Variants in CTNNA3 observed in about 807,000 individuals in gnomAD.
CTNNA3 encodes the protein catenin alpha 3.
In CTNNA3, 76 loss-of-function variants were observed where a neutral mutation model predicts 95.7. That is an observed-to-expected ratio of 0.79 (90% CI 0.66 to 0.96). The LOEUF is 0.96. CTNNA3 is among the 40% of genes least tolerant of loss of function. The pLI is 0.00. For missense variants in CTNNA3, 1,191 were observed against 1,089.8 expected, an observed-to-expected ratio of 1.09 and a Z score of -1.31; for synonymous variants, 431 against 374.4, an observed-to-expected ratio of 1.15 and a Z score of -1.74.
chr10:67,622,682 T>C (rs914173042), intron 2 of CTNNA3, among the ~76,000 whole-genome samples: 3 of 152,214 alleles, frequency 2.0e-5, no homozygotes, highest in Non-Finnish European at 4.4e-5. Flanking sequence ...CTTATTTTAA[T>C]GTAATGAGTG....
At chr10:67,207,760 G>T (rs75852572) in intron 6 of CTNNA3, among the ~76,000 whole-genome samples, 4,623 of 152,188 alleles carry the variant, frequency 0.03, 234 homozygotes, top group African/African-American at 0.11. Context: ...CAGTCTAACT[G>T]AAAAATATAC....
chr10:67,508,415 T>C (rs1180123782), intron 5 of CTNNA3, among the ~76,000 whole-genome samples: 1 of 152,090 alleles, frequency 6.6e-6, no homozygotes, highest in South Asian at 2.1e-4. Context: ...GTGGAAAAAA[T>C]AGTCTCTTCA....
At chr10:66,784,447 G>A (rs1237003229) in intron 7 of CTNNA3, among the ~76,000 whole-genome samples, 1 of 152,006 alleles carries the variant, frequency 6.6e-6, no homozygotes, top group South Asian at 2.1e-4. Context: ...TCATAAACAG[G>A]ATCTAACTTA....
At chr10:67,183,183 T>C (rs1377193495) in intron 6 of CTNNA3, among the ~76,000 whole-genome samples, 1 of 152,192 alleles carries the variant, frequency 6.6e-6, no homozygotes, top group African/African-American at 2.4e-5. Context: ...GCCATCCCAT[T>C]ACTGGGTATA....
intron 11 of CTNNA3, among the ~76,000 whole-genome samples, chr10:66,432,582 A>C (rs2093306136): frequency 1.3e-5 from 2 of 150,948 alleles, no homozygotes; most frequent in Admixed American, 1.3e-4. Context: ...AATGGCATGA[A>C]CCCGGGAGGT....
At chr10:67,152,406 C>G (rs1301101369) in intron 7 of CTNNA3, among the ~76,000 whole-genome samples, 1 of 152,150 alleles carries the variant, frequency 6.6e-6, no homozygotes, top group African/African-American at 2.4e-5. Flanking sequence ...AAAGATAACA[C>G]CATTGATAGA....
intron 11 of CTNNA3, among the ~76,000 whole-genome samples, chr10:66,415,068 T>TGGCAGGGC (rs2093135752): frequency 6.6e-6 from 1 of 152,058 alleles, no homozygotes; most frequent in Admixed American, 6.5e-5. Flanking sequence ...CAACCCCCAC[T>TGGCAGGGC]GGCAGGGCAG....
intron 7 of CTNNA3, among the ~76,000 whole-genome samples, chr10:67,041,960 A>T (rs185958764): frequency 1.3e-5 from 2 of 152,218 alleles, no homozygotes; most frequent in East Asian, 3.9e-4. Flanking sequence ...AAACAGAAGG[A>T]CACATTGGGC....
At chr10:66,273,767 TAAAAC>T (rs1214025957) in intron 13 of CTNNA3, among the ~76,000 whole-genome samples, 2 of 151,756 alleles carry the variant, frequency 1.3e-5, no homozygotes, top group Non-Finnish European at 2.9e-5. Context: ...ATTTGGAAAT[TAAAAC>T]AAAAAAACAA....
At chr10:67,267,972 A>T (rs1866896691) in intron 5 of CTNNA3, among the ~76,000 whole-genome samples, 1 of 152,148 alleles carries the variant, frequency 6.6e-6, no homozygotes, top group African/African-American at 2.4e-5. Context: ...AATAATTGGG[A>T]AGTGAAGAGG....
At chr10:66,834,680 C>A (rs1451874486) in intron 7 of CTNNA3, among the ~76,000 whole-genome samples, 4 of 152,138 alleles carry the variant, frequency 2.6e-5, no homozygotes, top group Non-Finnish European at 5.9e-5. Flanking sequence ...GCATTCTAAG[C>A]GTTCATGAAA....
chr10:65,996,101 G>A (rs2078651637), intron 15 of CTNNA3, among the ~76,000 whole-genome samples: 2 of 152,182 alleles, frequency 1.3e-5, no homozygotes, highest in Non-Finnish European at 2.9e-5. Flanking sequence ...GTTATTTTCA[G>A]TGACAGCAGC....
intron 9 of CTNNA3, among the ~76,000 whole-genome samples, chr10:66,631,759 T>TA (rs5785770): frequency 6.6e-6 from 1 of 151,530 alleles, no homozygotes; most frequent in African/African-American, 2.4e-5. Context: ...TCTAAATGAA[T>TA]AAAAAAAAGC....
chr10:67,200,205 G>A (rs1863579253), intron 6 of CTNNA3, among the ~76,000 whole-genome samples: 1 of 152,056 alleles, frequency 6.6e-6, no homozygotes, highest in African/African-American at 2.4e-5. Flanking sequence ...TAAATTTAAA[G>A]GGTTTTTAAA....
At chr10:67,006,830 G>A (rs1027805502) in intron 7 of CTNNA3, among the ~76,000 whole-genome samples, 1 of 151,220 alleles carries the variant, frequency 6.6e-6, no homozygotes, top group Non-Finnish European at 1.5e-5. Context: ...GTCTCACTCT[G>A]TTGCCCAGGC....
chr10:67,241,315 C>T (rs984804940), intron 5 of CTNNA3, among the ~76,000 whole-genome samples: 4 of 151,840 alleles, frequency 2.6e-5, no homozygotes, highest in Non-Finnish European at 4.4e-5. Context: ...CCCAGCTACT[C>T]GGGAGGCTGA....
intron 13 of CTNNA3, among the ~76,000 whole-genome samples, chr10:66,265,587 C>T (rs951175658): frequency 6.6e-6 from 1 of 151,996 alleles, no homozygotes; most frequent in Non-Finnish European, 1.5e-5. Flanking sequence ...AGAAACAGTG[C>T]CTCCTTCCTG....
chr10:67,112,742 A>G (rs986804638), intron 7 of CTNNA3, among the ~76,000 whole-genome samples: 17 of 151,872 alleles, frequency 1.1e-4, no homozygotes, highest in Admixed American at 3.3e-4. Flanking sequence ...GCTGCATAAC[A>G]CTCTGTATAT....
chr10:67,653,873 T>A (rs1323965822), intron 1 of CTNNA3, among the ~76,000 whole-genome samples: 1 of 152,076 alleles, frequency 6.6e-6, no homozygotes, highest in African/African-American at 2.4e-5. Flanking sequence ...GGGTAGCCAG[T>A]GTCTCAACTC....
Sources: gnomAD v4.1 joint callset for allele counts (sites outside exome capture counted in the v4.1 genomes callset) on GRCh38, gnomAD v4.1.1 for gene constraint, MANE v1.5 for transcripts, NCBI Gene and HGNC (gene_info 2026-07-23, HGNC 2026-07-21) for gene names.